CLIP2: variants seen among roughly 807,000 people sequenced by gnomAD.
CLIP2 encodes the protein CAP-Gly domain containing linker protein 2.
CLIP2 carries 41 observed loss-of-function variants against 111.7 expected under a neutral mutation model. The observed-to-expected ratio is 0.37, with a 90% confidence interval of 0.29 to 0.48. The LOEUF (loss-of-function observed/expected upper bound fraction) is 0.48. CLIP2 is among the 20% of genes least tolerant of loss of function. The probability of loss-of-function intolerance (pLI) is 0.99; values close to 1 mark genes in which losing one functional copy is unlikely to be tolerated. For missense variants in CLIP2, 1,160 were observed against 1,422.1 expected, an observed-to-expected ratio of 0.82 and a Z score of 2.96; for synonymous variants, 660 against 644.2, an observed-to-expected ratio of 1.02 and a Z score of -0.37.
intron 2 of CLIP2, among the ~76,000 whole-genome samples, chr7:74,324,857 A>G (rs1789068916): frequency 6.7e-6 from 1 of 149,042 alleles, no homozygotes; most frequent in South Asian, 2.1e-4. Flanking sequence ...GAAGAGTGAC[A>G]GGTGGAAGAG....
intron 3 of CLIP2, among the ~76,000 whole-genome samples, chr7:74,352,797 C>T (rs968523152): frequency 3.3e-5 from 5 of 151,920 alleles, no homozygotes; most frequent in Admixed American, 6.6e-5. Context: ...TTGCTTGAAG[C>T]CCGGAGTTCC....
intron 14 of CLIP2, among the ~76,000 whole-genome samples, chr7:74,397,657 GT>G (rs1221589920): frequency 3.5e-5 from 4 of 113,454 alleles, no homozygotes; most frequent in South Asian, 3.1e-4. Context: ...GGGTGGCTGA[GT>G]TTTTTTTGTT....
In CLIP2 at chr7:74,304,964, G is replaced by GAATA. The variant is rs1304966670; in HGVS notation, c.-67-12513_-67-12512insAAAT. On this transcript the variant is annotated intron_variant, in intron 1 of 16. Transcript: ENST00000223398. ...TGTCTCCAAAAATAAATAAATGAAT[G>GAATA]AATGAATAAATAAATAAATAAATAA... Among the ~76,000 whole-genome samples, 238 of 151,952 alleles carry GAATA rather than the reference G, an allele frequency of 1.6e-3. 4 individuals are homozygous for GAATA. Among genetic ancestry groups the GAATA allele is most frequent in the Admixed American group, 3.9e-3 (60 of 15,204 alleles).
intron 15 of CLIP2, among the ~76,000 whole-genome samples, chr7:74,400,925 G>A (rs1011813942): frequency 2.5e-4 from 38 of 151,626 alleles, no homozygotes; most frequent in Admixed American, 1.6e-3. Context: ...GTCTGAAGGG[G>A]GAGGTAGCTC....
At chr7:74,387,752 C>T (rs1422276861) in intron 12 of CLIP2, among the ~76,000 whole-genome samples, 5 of 152,192 alleles carry the variant, frequency 3.3e-5, no homozygotes, top group African/African-American at 1.2e-4. Context: ...ACAGTGTAAA[C>T]ACACGTGTGA....
intron 7 of CLIP2, among the ~76,000 whole-genome samples, chr7:74,363,398 A>G (rs1554310157): frequency 6.6e-6 from 1 of 152,098 alleles, no homozygotes; most frequent in African/African-American, 2.4e-5. Context: ...TGTCTCCCTG[A>G]GGGTAGCCCT....
intron 1 of CLIP2, among the ~76,000 whole-genome samples, chr7:74,301,683 C>T (rs1419696600): frequency 6.7e-6 from 1 of 149,324 alleles, no homozygotes; most frequent in Non-Finnish European, 1.5e-5. Flanking sequence ...TGAGCCACTG[C>T]GCCTGGCATT....
At chr7:74,317,741 G>A in intron 2 of CLIP2, 74 bp downstream of exon 2, 1 of 1,351,728 alleles carries the variant, frequency 7.4e-7, no homozygotes, top group Non-Finnish European at 9.6e-7. Flanking sequence ...AAGAGCCCCA[G>A]GAGCACAGGC....
At chr7:74,369,696 A>G (rs1457890172) in intron 8 of CLIP2, among the ~76,000 whole-genome samples, 1 of 149,054 alleles carries the variant, frequency 6.7e-6, no homozygotes, top group Non-Finnish European at 1.5e-5. Flanking sequence ...ATCTCTACTA[A>G]AAATACAAAA....
At chr7:74,300,874 T>C (rs1375268907) in intron 1 of CLIP2, among the ~76,000 whole-genome samples, 2 of 152,230 alleles carry the variant, frequency 1.3e-5, no homozygotes, top group Non-Finnish European at 2.9e-5. Flanking sequence ...CTCTTGTGAA[T>C]TGTGCTGTGA....
In CLIP2 at chr7:74,338,529, C is replaced by T. The variant is rs1237789776; in HGVS notation, c.203C>T (p.Ala68Val). The change falls in exon 3 of 17, where the codon GCG (alanine) becomes GTG (valine). Residue 68 changes from alanine to valine, a missense_variant. Around this residue, in one of 5 missense-constraint regions of CLIP2, gnomAD observed 301 missense variants for 315.2 expected, o/e 0.96. Transcript: ENST00000223398. This position sits in a 1 kb window ranked among gnomAD's most constrained non-coding sequence, Gnocchi z 4.3. ...AAAPEKPGPK[A>V]AEVGDDFLGD... Reference sequence around the variant, plus strand: ...GCCCCCGAGAAGCCGGGCCCCAAGGCGGCGGAAGTGGGGGATGACTTCCTG... The same window carrying T: ...GCCCCCGAGAAGCCGGGCCCCAAGGTGGCGGAAGTGGGGGATGACTTCCTG... 8.1e-6 allele frequency: 13 copies of T among 1,605,650 alleles called. No individual in the cohort carries two copies. The highest frequency in any genetic ancestry group is 1.0e-5 in the Non-Finnish European group (12 of 1,176,976).
At chr7:74,360,347 G>A in intron 7 of CLIP2, 69 bp downstream of exon 7, 1 of 1,199,224 alleles carries the variant, frequency 8.3e-7, no homozygotes, top group Non-Finnish European at 1.2e-6. Flanking sequence ...GGGCAGGCTT[G>A]GGAATAGCGG....
At chr7:74,349,234 C>A (rs1447950813) in intron 3 of CLIP2, among the ~76,000 whole-genome samples, 1 of 151,484 alleles carries the variant, frequency 6.6e-6, no homozygotes, top group African/African-American at 2.4e-5. Context: ...AGACCGAGAC[C>A]ATCTTGGCCA....
At chr7:74,326,989 G>A (rs1191031587) in intron 2 of CLIP2, among the ~76,000 whole-genome samples, 2 of 151,824 alleles carry the variant, frequency 1.3e-5, no homozygotes, top group Non-Finnish European at 2.9e-5. Flanking sequence ...GGAGTGCAGC[G>A]GCACGATCTC....
At chr7:74,335,454 C>T (rs1354419731) in intron 2 of CLIP2, among the ~76,000 whole-genome samples, 2 of 151,968 alleles carry the variant, frequency 1.3e-5, no homozygotes, top group Non-Finnish European at 2.9e-5. Context: ...TTCAGCTTCC[C>T]GAGTAGCTGG....
intron 1 of CLIP2, among the ~76,000 whole-genome samples, chr7:74,313,132 A>G (rs1314587506): frequency 6.6e-6 from 1 of 151,870 alleles, no homozygotes; most frequent in East Asian, 1.9e-4. Flanking sequence ...CCTGGGCAAC[A>G]TAGTGAGACC....
chr7:74,385,737 CTTTTTTTT>C (rs869087670), intron 11 of CLIP2, among the ~76,000 whole-genome samples: 2 of 117,722 alleles, frequency 1.7e-5, no homozygotes, highest in African/African-American at 6.3e-5. Context: ...GTCGGGTCTT[CTTTTTTTT>C]TTTTTTTTTT....
chr7:74,347,514 C>T (rs1245437262), intron 3 of CLIP2, among the ~76,000 whole-genome samples: 5 of 152,098 alleles, frequency 3.3e-5, no homozygotes, highest in African/African-American at 9.6e-5. Context: ...GTGATCTGCC[C>T]GCCTCGGCCT....
At chr7:74,324,697 A>T (rs1278490118) in intron 2 of CLIP2, among the ~76,000 whole-genome samples, 1 of 151,262 alleles carries the variant, frequency 6.6e-6, no homozygotes, top group Admixed American at 6.6e-5. Flanking sequence ...GCAGAACTAG[A>T]CTCCCAGGCT....
Sources: allele counts gnomAD v4.1 joint callset (sites outside exome capture counted in the v4.1 genomes callset), GRCh38; gene constraint gnomAD v4.1.1; regional missense constraint gnomAD v4.1.1; non-coding constraint Gnocchi (gnomAD v3.1); transcripts MANE v1.5; gene names NCBI Gene and HGNC (gene_info 2026-07-23, HGNC 2026-07-21).